ZNF462: variants seen among roughly 807,000 people sequenced by gnomAD.
ZNF462 encodes zinc finger PBX1-interacting protein.
In ZNF462, 10 loss-of-function variants were observed where a neutral mutation model predicts 201.9. The observed-to-expected ratio is 0.05, with a 90% CI of 0.03 to 0.08. The LOEUF (loss-of-function observed/expected upper bound fraction) is 0.08, where lower values mean the gene tolerates loss of function less well. Ranked by LOEUF, ZNF462 falls within the 10% of genes least tolerant of loss-of-function variation. ZNF462 has a pLI of 1.00. For synonymous variants in ZNF462, 1,227 were observed against 1,193.3 expected, an observed-to-expected ratio of 1.03 and a Z score of -0.58; for missense variants, 2,523 against 3,168.3, an observed-to-expected ratio of 0.80 and a Z score of 4.89.
At position 106,935,417 on chromosome 9, in the gene ZNF462, G is replaced by A; in HGVS notation, c.6117-86G>A. 8.6e-7 allele frequency: 1 copy of A among 1,161,228 alleles called. No individual in the cohort carries two copies. The highest frequency in any genetic ancestry group is 1.3e-6 in the Non-Finnish European group (1 of 781,864). 71.9% of individuals were successfully genotyped at this position (1,161,228 alleles called of 1,614,324 possible). Reference sequence around the variant, plus strand: ...AAGGACTTTGAACGACCTAGAAGTAGGATTCCTGGAAAAAAAGCAATGAGC... The same window carrying A: ...AAGGACTTTGAACGACCTAGAAGTAAGATTCCTGGAAAAAAAGCAATGAGC... On this transcript the variant is annotated intron_variant, in intron 5 of 12. Transcript: ENST00000277225. This position sits in a 1 kb window ranked among gnomAD's most constrained non-coding sequence, Gnocchi z 4.1.
At chr9:106,868,272 G>A (rs1174586125) in intron 1 of ZNF462, among the ~76,000 whole-genome samples, 2 of 152,148 alleles carry the variant, frequency 1.3e-5, no homozygotes, top group Non-Finnish European at 2.9e-5. Flanking sequence ...TCTGGCAGAT[G>A]TTATGTTGGG....
rs1826841356 is a variant in ZNF462 at position 106,974,389 on chromosome 9, C to G, written c.6832+116C>G. The G allele has an allele frequency of 6.7e-7, 1 of 1,501,400 alleles. No homozygotes were observed. The highest frequency in any genetic ancestry group is 1.4e-5 in the African/African-American group (1 of 72,678). The allele number at this position is 1,501,400 out of a possible 1,614,324, so 93.0% of individuals were successfully genotyped here. On this transcript the variant is annotated intron_variant, in intron 9 of 12. Transcript: ENST00000277225. This position sits in a 1 kb window ranked among gnomAD's most constrained non-coding sequence, Gnocchi z 4.0. ...ACCTGTGCCTTGTTCCTCACCTTAT[C>G]TTCAGGCAAGAAACCACAGTGATAA...
intron 1 of ZNF462, among the ~76,000 whole-genome samples, chr9:106,918,317 A>C (rs903789632): frequency 2.0e-5 from 3 of 152,228 alleles, no homozygotes; most frequent in African/African-American, 7.2e-5. Context: ...AAATCAAGAA[A>C]ATTAATTACA....
At chr9:106,874,691 G>T (rs1827750250) in intron 1 of ZNF462, among the ~76,000 whole-genome samples, 1 of 152,196 alleles carries the variant, frequency 6.6e-6, no homozygotes, top group African/African-American at 2.4e-5. Context: ...CCTTCCACTT[G>T]TGTGGAAGTT....
chr9:106,862,382 C>A (rs912088059), upstream of ZNF462, among the ~76,000 whole-genome samples: 3 of 152,132 alleles, frequency 2.0e-5, no homozygotes, highest in African/African-American at 7.2e-5. The surrounding 1 kb of genome is among the most constrained non-coding windows in gnomAD (Gnocchi z 4.2). Context: ...AGCTGCCGGG[C>A]AGGGTCCTCA....
At chr9:106,990,421 A>G (rs1211851935) in intron 10 of ZNF462, among the ~76,000 whole-genome samples, 1 of 151,920 alleles carries the variant, frequency 6.6e-6, no homozygotes, top group South Asian at 2.1e-4. Flanking sequence ...TTCTGTATGT[A>G]TCTGTTAAGC....
At chr9:106,908,910 CATATATATATATATATATATAT>C (rs1192231869) in intron 1 of ZNF462, among the ~76,000 whole-genome samples, 1 of 43,978 alleles carries the variant, frequency 2.3e-5, no homozygotes, top group Non-Finnish European at 3.6e-5. Flanking sequence ...CCCATATATA[CATATATATATATATATATATAT>C]ATATATATAT....
At chr9:106,949,285 C>G (rs927394172) in intron 7 of ZNF462, among the ~76,000 whole-genome samples, 1 of 152,144 alleles carries the variant, frequency 6.6e-6, no homozygotes, top group Non-Finnish European at 1.5e-5. Flanking sequence ...TTTCTAGAGC[C>G]CTAGCACTGG....
chr9:106,860,283 T>G (rs1199990000), upstream of ZNF462, among the ~76,000 whole-genome samples: 1 of 152,180 alleles, frequency 6.6e-6, no homozygotes, highest in African/African-American at 2.4e-5. The surrounding 1 kb of genome is among the most constrained non-coding windows in gnomAD (Gnocchi z 7.1). Context: ...CCGCAGTCGG[T>G]CCGCCAGCCG....
In ZNF462 at chr9:106,960,989, A is replaced by G. The variant is rs531253954; in HGVS notation, c.6428-11016A>G. 2.5e-4 allele frequency among the ~76,000 whole-genome samples: 38 copies of G among 152,236 alleles called. No homozygotes were observed. The South Asian group carries it at 5.2e-3, about 21-fold the overall frequency. ...TCTAATGGAGGAAAATAGGTAAAAC[A>G]GTGTATACAGTGAAAATATAGTTCT... On this transcript the variant is annotated intron_variant, in intron 7 of 12. Transcript: ENST00000277225.
Position 106,925,880 on chromosome 9 carries a change from G to A in ZNF462, c.1968G>A (p.Lys656=), listed in dbSNP as rs1588065871. 1.2e-6 allele frequency: 2 copies of A among 1,614,046 alleles called. No homozygotes were observed. Among genetic ancestry groups the A allele is most frequent in the Non-Finnish European group, 1.7e-6 (2 of 1,180,048 alleles). ...DSHPSSSNTV[K]KSQTSILGLS... ...ACCCCTCTTCCAGCAACACTGTGAA[G>A]AAAAGTCAGACCTCAATTCTTGGGT... Residue 656 remains lysine (K), a synonymous_variant, in exon 3 of 13, where the codon AAG becomes AAA. Transcript: ENST00000277225. The surrounding 1 kb of genome is among the most constrained non-coding windows in gnomAD (Gnocchi z 7.9).
intron 1 of ZNF462, among the ~76,000 whole-genome samples, chr9:106,878,876 G>A (rs1827957809): frequency 6.6e-6 from 1 of 152,226 alleles, no homozygotes; most frequent in Non-Finnish European, 1.5e-5. Context: ...TTGGTGTGAA[G>A]TAGAGTTTCC....
chr9:106,994,704 A>T (rs1828565021), intron 10 of ZNF462, among the ~76,000 whole-genome samples: 1 of 152,128 alleles, frequency 6.6e-6, no homozygotes, highest in Non-Finnish European at 1.5e-5. Flanking sequence ...CCAGAATTAG[A>T]TGAGCAAGAG....
At chr9:106,881,103 A>AG (rs1193582006) in intron 1 of ZNF462, among the ~76,000 whole-genome samples, 1 of 152,192 alleles carries the variant, frequency 6.6e-6, no homozygotes, top group Non-Finnish European at 1.5e-5. Context: ...GACAGTTGGC[A>AG]GGAGGACCTG....
upstream of ZNF462, among the ~76,000 whole-genome samples, chr9:106,861,211 TGA>T (rs1827056976): frequency 6.6e-6 from 1 of 151,774 alleles, no homozygotes. Context: ...TGCCTCGGGG[TGA>T]GAGATTCTGC....
At chr9:106,961,375 C>T (rs923498629) in intron 7 of ZNF462, among the ~76,000 whole-genome samples, 13 of 152,028 alleles carry the variant, frequency 8.6e-5, no homozygotes, top group Admixed American at 2.6e-4. Flanking sequence ...AGCCATTGTC[C>T]GTGTAATTAA....
chr9:106,948,121 G>A (rs1408879986), intron 7 of ZNF462, among the ~76,000 whole-genome samples: 1 of 152,116 alleles, frequency 6.6e-6, no homozygotes, highest in African/African-American at 2.4e-5. Context: ...GATGGAAGGA[G>A]TATCAGACAT....
At chr9:106,996,689 A>G (rs957544471) in intron 10 of ZNF462, among the ~76,000 whole-genome samples, 1 of 152,002 alleles carries the variant, frequency 6.6e-6, no homozygotes, top group Non-Finnish European at 1.5e-5. Flanking sequence ...AAATTTGTTT[A>G]AGTTCTTTGT....
In ZNF462 at chr9:106,978,833, A is replaced by G. The variant is rs981323078; in HGVS notation, c.6832+4560A>G. ...CTGCCTCTTACAGCTTGGCAACACAAGCCACAGATTTTGGACCAAGGACCT... is the reference window on the plus strand; with the variant it reads ...CTGCCTCTTACAGCTTGGCAACACAGGCCACAGATTTTGGACCAAGGACCT... On this transcript the variant is annotated intron_variant, in intron 9 of 12. Transcript: ENST00000277225. This position sits in a 1 kb window ranked among gnomAD's most constrained non-coding sequence, Gnocchi z 4.1. 5.3e-6 allele frequency: 1 copy of G among 188,928 alleles called. No individual in the cohort carries two copies. The highest frequency in any genetic ancestry group is 1.1e-5 in the Non-Finnish European group (1 of 93,508). The allele number at this position is 188,928 out of a possible 1,614,324, so 11.7% of individuals were successfully genotyped here. A position where few individuals can be genotyped will look rare whatever the true frequency, so the allele number is the denominator to read the frequency against.
Sources: gnomAD v4.1 joint callset for allele counts (sites outside exome capture counted in the v4.1 genomes callset) on GRCh38, gnomAD v4.1.1 for gene constraint, Gnocchi (gnomAD v3.1) non-coding constraint, MANE v1.5 for transcripts, NCBI Gene and HGNC (gene_info 2026-07-23, HGNC 2026-07-21) for gene names.